NR3C2: variants seen among roughly 807,000 people sequenced by gnomAD.
NR3C2 encodes the protein mineralocorticoid receptor.
In NR3C2, 15 loss-of-function variants were observed where a neutral mutation model predicts 86.4. The observed-to-expected ratio is 0.17, with a 90% CI of 0.12 to 0.27. The LOEUF (loss-of-function observed/expected upper bound fraction) is 0.27. Among genes scored for constraint, NR3C2 ranks in the 10% least tolerant of loss-of-function variants. The probability of loss-of-function intolerance (pLI) is 1.00; values close to 1 mark genes in which losing one functional copy is unlikely to be tolerated. For missense variants in NR3C2, 960 were observed against 1,195.6 expected, an observed-to-expected ratio of 0.80 and a Z score of 2.91; for synonymous variants, 458 against 450.5, an observed-to-expected ratio of 1.02 and a Z score of -0.21.
At position 148,198,364 on chromosome 4, in the gene NR3C2, T is replaced by C. The variant is rs1361502368; in HGVS notation, c.1898-3502A>G. The stretch of plus-strand genomic sequence containing the variant: ...TTGAAATCAAGAAGCAACTTTTTGT[T>C]ATACTTGGCCTGGTCCCAACTGAGA... On this transcript the variant is annotated intron_variant, in intron 3 of 8. Coordinates refer to ENST00000358102, the MANE Select transcript of NR3C2 (RefSeq NM_000901.5). Among the ~76,000 whole-genome samples, 4 of 152,228 alleles carry C rather than the reference T, an allele frequency of 2.6e-5. No individual in the cohort carries two copies. In the East Asian group the frequency reaches 7.7e-4, roughly 29 times the overall value.
chr4:148,270,259 C>A (rs1198867944), intron 2 of NR3C2, among the ~76,000 whole-genome samples: 1 of 152,106 alleles, frequency 6.6e-6, no homozygotes, highest in Non-Finnish European at 1.5e-5. Flanking sequence ...ATTTTCCTTG[C>A]CCTTGGTACT....
intron 4 of NR3C2, among the ~76,000 whole-genome samples, chr4:148,159,758 A>G (rs968369152): frequency 6.6e-6 from 1 of 152,220 alleles, no homozygotes; most frequent in African/African-American, 2.4e-5. Flanking sequence ...CCAAGTGTGT[A>G]ATTAAGATGT....
At chr4:148,252,941 C>T (rs1463439459) in intron 3 of NR3C2, among the ~76,000 whole-genome samples, 2 of 152,146 alleles carry the variant, frequency 1.3e-5, no homozygotes, top group Non-Finnish European at 2.9e-5. Context: ...TTCAAAATTA[C>T]ATACTGTGCT....
At chr4:148,403,726 G>T (rs1435337391) in intron 2 of NR3C2, among the ~76,000 whole-genome samples, 2 of 152,072 alleles carry the variant, frequency 1.3e-5, no homozygotes, top group Non-Finnish European at 2.9e-5. Context: ...AGGAAAGTAA[G>T]TACCAGTGTA....
At chr4:148,364,051 A>T (rs536018542) in intron 2 of NR3C2, among the ~76,000 whole-genome samples, 5 of 152,344 alleles carry the variant, frequency 3.3e-5, no homozygotes, top group African/African-American at 1.2e-4. Flanking sequence ...TCTGGGTAAG[A>T]TGACCATTTA....
chr4:148,159,984 T>C (rs1302714983), intron 4 of NR3C2, among the ~76,000 whole-genome samples: 1 of 152,198 alleles, frequency 6.6e-6, no homozygotes, highest in African/African-American at 2.4e-5. Flanking sequence ...AGTAGCTGTG[T>C]GTGTATCTGT....
intron 2 of NR3C2, among the ~76,000 whole-genome samples, chr4:148,411,513 C>T (rs994981139): frequency 6.6e-6 from 1 of 152,228 alleles, no homozygotes; most frequent in African/African-American, 2.4e-5. Context: ...TATTTTTATA[C>T]TTCCATTATA....
chr4:148,313,489 G>T (rs1248159075), intron 2 of NR3C2, among the ~76,000 whole-genome samples: 2 of 152,116 alleles, frequency 1.3e-5, no homozygotes, highest in East Asian at 1.9e-4. Flanking sequence ...AAATATTATT[G>T]TAAGTTTTGC....
chr4:148,269,631 AAAC>A (rs983571241), intron 2 of NR3C2, among the ~76,000 whole-genome samples: 1 of 152,090 alleles, frequency 6.6e-6, no homozygotes. Flanking sequence ...TACAAAAAAC[AAAC>A]AACAAAAAAC....
chr4:148,123,466 G>A (rs1344566811), intron 6 of NR3C2, among the ~76,000 whole-genome samples: 1 of 152,004 alleles, frequency 6.6e-6, no homozygotes, highest in Admixed American at 6.6e-5. Context: ...TCTGCTTTTT[G>A]CCCTTTGAAG....
At position 148,338,261 on chromosome 4, in the gene NR3C2, G is replaced by A. The variant is rs571468041; in HGVS notation, c.1758-78144C>T. On this transcript the variant is annotated intron_variant, in intron 2 of 8. Transcript: ENST00000358102. ...CAGAAATTCCTGTTATTTCTACAGT[G>A]TTAATAACTATCTTAGAAGAAAATC... 1.4e-3 allele frequency among the ~76,000 whole-genome samples: 214 copies of A among 152,216 alleles called. 2 individuals are homozygous for A. The highest frequency in any genetic ancestry group is 5.0e-3 in the African/African-American group (206 of 41,552).
At chr4:148,428,829 A>G (rs1380984980) in intron 2 of NR3C2, among the ~76,000 whole-genome samples, 1 of 152,022 alleles carries the variant, frequency 6.6e-6, no homozygotes, top group Non-Finnish European at 1.5e-5. Context: ...CCCTACAAAC[A>G]CACTGCCCAA....
At chr4:148,407,813 C>G (rs1253854580) in intron 2 of NR3C2, among the ~76,000 whole-genome samples, 1 of 152,102 alleles carries the variant, frequency 6.6e-6, no homozygotes, top group Non-Finnish European at 1.5e-5. Context: ...ATATCAATAT[C>G]CTTGTCCCAT....
rs992747994 is a variant in NR3C2 at position 148,435,280 on chromosome 4, A to G, written c.1581T>C (p.Ile527=). Residue 527 remains isoleucine, a synonymous_variant, in exon 2 of 9, where the codon ATT becomes ATC. Coordinates refer to ENST00000358102, the MANE Select transcript of NR3C2 (RefSeq NM_000901.5). ...ATAAAGATATTGTACCTTGAGCACC[A>G]ATCCTGTAGTGGAAGGACTGTCCAC... ...NSGGQSFHYR[I]GAQGTISLSR... is the part of the protein sequence containing the mutation. 6.2e-7 allele frequency: 1 copy of G among 1,614,176 alleles called. No homozygotes were observed. Among genetic ancestry groups the G allele is most frequent in the Non-Finnish European group, 8.5e-7 (1 of 1,180,036 alleles).
chr4:148,180,007 TA>T, intron 4 of NR3C2, among the ~76,000 whole-genome samples: 1 of 151,964 alleles, frequency 6.6e-6, no homozygotes, highest in Non-Finnish European at 1.5e-5. Context: ...ATCTGAGGAA[TA>T]GTATCTCTTT....
At chr4:148,114,964 G>A (rs1044226683) in intron 7 of NR3C2, among the ~76,000 whole-genome samples, 3 of 152,114 alleles carry the variant, frequency 2.0e-5, no homozygotes, top group African/African-American at 4.8e-5. Flanking sequence ...CCCATAAAGC[G>A]TCTGTACATC....
At chr4:148,331,034 C>T (rs114131746) in intron 2 of NR3C2, among the ~76,000 whole-genome samples, 2,016 of 152,224 alleles carry the variant, frequency 0.013, 34 homozygotes, top group Non-Finnish European at 0.016. Flanking sequence ...ATTAAACCTC[C>T]TTCCTTTATA....
intron 2 of NR3C2, among the ~76,000 whole-genome samples, chr4:148,384,435 C>T (rs1561076884): frequency 6.6e-6 from 1 of 151,776 alleles, no homozygotes. Flanking sequence ...AAATACTGAA[C>T]AAAGACATAC....
chr4:148,409,295 A>T lies in NR3C2; in HGVS notation c.1757+25809T>A, dbSNP rs1038075535. On this transcript the variant is annotated intron_variant, in intron 2 of 8. Coordinates refer to ENST00000358102, the MANE Select transcript of NR3C2 (RefSeq NM_000901.5). ...TCTTAATTATGTCTTTGATATTGAG[A>T]TAAAATCTTACGTTTATTAGCCTTT... Among the ~76,000 whole-genome samples, 9 of 152,280 alleles carry T rather than the reference A, an allele frequency of 5.9e-5. No individual in the cohort carries two copies. In the East Asian group the frequency reaches 1.5e-3, roughly 26 times the overall value.
Sources: allele counts gnomAD v4.1 joint callset (sites outside exome capture counted in the v4.1 genomes callset), GRCh38; gene constraint gnomAD v4.1.1; transcripts MANE v1.5; gene names NCBI Gene and HGNC (gene_info 2026-07-23, HGNC 2026-07-21).